GPSM2: variants seen among roughly 807,000 people sequenced by gnomAD.
GPSM2 encodes G protein signaling modulator 2.
GPSM2 carries 58 observed loss-of-function variants against 78.4 expected under a neutral mutation model. The ratio of observed to expected loss-of-function variants is 0.74; its 90% confidence interval spans 0.60 to 0.92. The LOEUF is 0.92. GPSM2 is among the 40% of genes least tolerant of loss of function. The pLI, the probability that GPSM2 is intolerant of heterozygous loss-of-function variation, is 0.00. For missense variants in GPSM2, 700 were observed against 815.5 expected (o/e 0.86, Z 1.73); for synonymous variants, 224 against 280.2 (o/e 0.80, Z 2.00).
intron 2 of GPSM2, among the ~76,000 whole-genome samples, chr1:108,893,576 T>C (rs1038912298): frequency 6.6e-6 from 1 of 152,218 alleles, no homozygotes; most frequent in African/African-American, 2.4e-5. Flanking sequence ...GCTTGAGATA[T>C]AATTTTTAAC....
At chr1:108,909,122 G>A (rs1438296861) in intron 10 of GPSM2, among the ~76,000 whole-genome samples, 2 of 152,136 alleles carry the variant, frequency 1.3e-5, no homozygotes, top group Non-Finnish European at 2.9e-5. Context: ...CTGGGCAATA[G>A]AGAAAAACCA....
intron 1 of GPSM2, among the ~76,000 whole-genome samples, chr1:108,880,614 C>G (rs995615488): frequency 1.3e-5 from 2 of 151,910 alleles, no homozygotes; most frequent in Non-Finnish European, 2.9e-5. Context: ...TGGAAAGGAC[C>G]ATTTCTTTTC....
intron 9 of GPSM2, among the ~76,000 whole-genome samples, chr1:108,903,710 C>T (rs952240148): frequency 5.9e-5 from 9 of 152,036 alleles, no homozygotes; most frequent in Admixed American, 6.6e-5. Flanking sequence ...ATTAAAAGTG[C>T]CTAGCAAAAT....
At position 108,930,082 on chromosome 1, in the gene GPSM2, T is replaced by C. The variant is rs1570978369; in HGVS notation, c.*142T>C. ...TGTAAATAGTTAACCTTCAGTAGTC[T>C]ATTAAGGCATTAATACTTCTCTGGA... On this transcript the variant is annotated 3_prime_UTR_variant, in exon 15 of 15. Coordinates refer to ENST00000264126, the MANE Select transcript of GPSM2 (RefSeq NM_013296.5). 2.6e-6 allele frequency: 2 copies of C among 779,014 alleles called. No individual in the cohort carries two copies. The highest frequency in any genetic ancestry group is 5.3e-5 in the Admixed American group (2 of 37,794). The allele number at this position is 779,014 out of a possible 1,614,324, so 48.3% of individuals were successfully genotyped here.
intron 1 of GPSM2, among the ~76,000 whole-genome samples, chr1:108,879,662 G>A (rs755366305): frequency 6.6e-6 from 1 of 152,100 alleles, no homozygotes; most frequent in Non-Finnish European, 1.5e-5. Context: ...GTGAAACCCC[G>A]TCTGTACTAA....
chr1:108,931,640 A>AAG lies in GPSM2; in HGVS notation c.*1701_*1702insGA. 1 of 1,121,448 alleles carries AAG rather than the reference A, an allele frequency of 8.9e-7. No homozygotes were observed. Among genetic ancestry groups the AAG allele is most frequent in the Non-Finnish European group, 1.2e-6 (1 of 828,510 alleles). 69.5% of individuals were successfully genotyped at this position (1,121,448 alleles called of 1,614,324 possible). A position where few individuals can be genotyped will look rare whatever the true frequency, so the allele number is the denominator to read the frequency against. ...TTAAGTGCTCAGCTAAAAAAAAAAA[A>AAG]AAAGTTCTAAATTACAACCTGGATT... On this transcript the variant is annotated 3_prime_UTR_variant, in exon 15 of 15. Coordinates refer to ENST00000264126, the MANE Select transcript of GPSM2 (RefSeq NM_013296.5).
At chr1:108,894,994 A>C (rs1439360779) in intron 2 of GPSM2, among the ~76,000 whole-genome samples, 1 of 152,194 alleles carries the variant, frequency 6.6e-6, no homozygotes, top group Non-Finnish European at 1.5e-5. Context: ...AAAACATGTT[A>C]ATTGATCTAC....
At chr1:108,883,786 A>C (rs368900260) in intron 1 of GPSM2, among the ~76,000 whole-genome samples, 1 of 151,930 alleles carries the variant, frequency 6.6e-6, no homozygotes, top group Non-Finnish European at 1.5e-5. Context: ...TCACCCTCCT[A>C]TTAGATATAT....
rs1001264478 is a variant in GPSM2, at chr1:108,931,257, A to G, written c.*1317A>G. The G allele has an allele frequency of 2.1e-6, 3 of 1,446,524 alleles. No individual in the cohort carries two copies. In the African/African-American group the frequency reaches 4.3e-5, roughly 21 times the overall value. The allele number at this position is 1,446,524 out of a possible 1,614,324, so 89.6% of individuals were successfully genotyped here. A position where few individuals can be genotyped will look rare whatever the true frequency, so the allele number is the denominator to read the frequency against. On this transcript the variant is annotated 3_prime_UTR_variant, in exon 15 of 15. Coordinates refer to ENST00000264126, the MANE Select transcript of GPSM2 (RefSeq NM_013296.5). ...AAAACTCACAAAAATTAAATATGAAAGAAAGATGTCAGCTAGAACCTTAGT... is the reference window on the plus strand; with the variant it reads ...AAAACTCACAAAAATTAAATATGAAGGAAAGATGTCAGCTAGAACCTTAGT...
chr1:108,887,556 G>T (rs1432343220), intron 2 of GPSM2, among the ~76,000 whole-genome samples: 1 of 152,124 alleles, frequency 6.6e-6, no homozygotes, highest in African/African-American at 2.4e-5. Flanking sequence ...CCCAGACTTT[G>T]CCCCTTATTC....
chr1:108,932,302 A>G lies in GPSM2; in HGVS notation c.*2362A>G, dbSNP rs1476983606. 6.6e-6 allele frequency: 1 copy of G among 152,166 alleles called. No homozygotes were observed. The highest frequency in any genetic ancestry group is 1.5e-5 in the Non-Finnish European group (1 of 68,032). The allele number at this position is 152,166 out of a possible 1,614,324, so 9.4% of individuals were successfully genotyped here. A position where few individuals can be genotyped will look rare whatever the true frequency, so the allele number is the denominator to read the frequency against. The stretch of plus-strand genomic sequence containing the variant: ...AGTAAAATTTCAAAAAAGCTTCACA[A>G]TATAAACCTTAATTTTAATGACATA... On this transcript the variant is annotated 3_prime_UTR_variant, in exon 15 of 15. Transcript: ENST00000264126.
At chr1:108,925,619 TGA>T (rs1208562002) in intron 14 of GPSM2, among the ~76,000 whole-genome samples, 1 of 152,054 alleles carries the variant, frequency 6.6e-6, no homozygotes, top group Non-Finnish European at 1.5e-5. Flanking sequence ...GCTAAGAACC[TGA>T]GTCAGATGAT....
chr1:108,923,905 C>G (rs891211138), intron 13 of GPSM2, 95 bp from the exon 14 acceptor site: 4 of 904,968 alleles, frequency 4.4e-6, no homozygotes, highest in African/African-American at 1.6e-5. Context: ...CTGGCAAGGC[C>G]GAAAAGATCT....
At position 108,901,827 on chromosome 1, in the gene GPSM2, G is replaced by C. The variant is rs370245661; in HGVS notation, c.835G>C (p.Ala279Pro). 1.7e-5 allele frequency: 27 copies of C among 1,612,374 alleles called. No individual in the cohort carries two copies. In the African/African-American group the frequency reaches 2.8e-4, roughly 17 times the overall value. ...LLLARQLKDR[A>P]VEAQSCYSLG... ...GTTGGCCCGACAGCTTAAAGACCGA[G>C]CTGTAGAAGCACAGTCTTGTTACAG... The change falls in exon 8 of 15, where the codon GCT becomes CCT. Residue 279 changes from alanine to proline, a missense_variant. Transcript: ENST00000264126.
At chr1:108,881,333 T>A (rs982159888) in intron 1 of GPSM2, among the ~76,000 whole-genome samples, 8 of 152,238 alleles carry the variant, frequency 5.3e-5, no homozygotes, top group Admixed American at 1.3e-4. Flanking sequence ...TTGAACTTGA[T>A]GACTTCTCAA....
Position 108,934,478 on chromosome 1 carries a change from A to G in GPSM2, c.*4538A>G, listed in dbSNP as rs1266655810. On this transcript the variant is annotated 3_prime_UTR_variant, in exon 15 of 15. Coordinates refer to ENST00000264126, the MANE Select transcript of GPSM2 (RefSeq NM_013296.5). ...ATATCAAAGAGAAGATGAAATGAAA[A>G]GCTTTTACATATATAACGTGTTTGT... The G allele has an allele frequency of 1.1e-5, 6 of 567,776 alleles. No homozygotes were observed. The highest frequency in any genetic ancestry group is 1.8e-5 in the Non-Finnish European group (6 of 339,108). The allele number at this position is 567,776 out of a possible 1,614,324, so 35.2% of individuals were successfully genotyped here. A position where few individuals can be genotyped will look rare whatever the true frequency, so the allele number is the denominator to read the frequency against.
At chr1:108,892,169 CTCT>C (rs1450749885) in intron 2 of GPSM2, among the ~76,000 whole-genome samples, 1 of 152,182 alleles carries the variant, frequency 6.6e-6, no homozygotes, top group African/African-American at 2.4e-5. Context: ...CTTATTTTGC[CTCT>C]TAAGTCCTGA....
intron 1 of GPSM2, among the ~76,000 whole-genome samples, chr1:108,879,035 C>T (rs1429113648): frequency 6.6e-6 from 1 of 152,188 alleles, no homozygotes; most frequent in East Asian, 1.9e-4. Flanking sequence ...CCTTTAGGTG[C>T]TGTGTTTTGT....
chr1:108,916,470 AG>A (rs1650240210), intron 11 of GPSM2, among the ~76,000 whole-genome samples: 1 of 152,242 alleles, frequency 6.6e-6, no homozygotes, highest in Non-Finnish European at 1.5e-5. Flanking sequence ...TAATTTTTAA[AG>A]GACTTTGTGA....
Sources: gnomAD v4.1 joint callset for allele counts (sites outside exome capture counted in the v4.1 genomes callset) on GRCh38, gnomAD v4.1.1 for gene constraint, MANE v1.5 for transcripts, NCBI Gene and HGNC (gene_info 2026-07-23, HGNC 2026-07-21) for gene names.